CCL25: variants seen among roughly 807,000 people sequenced by gnomAD.
CCL25 encodes the protein C-C motif chemokine 25.
A neutral mutation model predicts 19.9 loss-of-function variants in CCL25; 14 were observed. The ratio of observed to expected loss-of-function variants is 0.70; its 90% CI spans 0.47 to 1.10. CCL25 has a LOEUF of 1.10. CCL25 is among the 50% of genes least tolerant of loss of function. The pLI, the probability that CCL25 is intolerant of heterozygous loss-of-function variation, is 0.00. For synonymous variants in CCL25, 68 were observed against 73.2 expected, an observed-to-expected ratio of 0.93 and a Z score of 0.36; for missense variants, 151 against 181.2, an observed-to-expected ratio of 0.83 and a Z score of 0.96.
chr19:8,059,464 G>C (rs550330449), intron 5 of CCL25, among the ~76,000 whole-genome samples: 1 of 151,800 alleles, frequency 6.6e-6, no homozygotes, highest in Non-Finnish European at 1.5e-5. Flanking sequence ...CCCCCAAAGT[G>C]CTGGGATTGC....
Position 8,056,515 on chromosome 19 carries a change from G to A in CCL25, c.325+16G>A. ...ACCTTCCAAGGTGGGCAAGACCTCTGCTGGGCATCTAGGGGGCCTGCCCTC... is the reference window on the plus strand; with the variant it reads ...ACCTTCCAAGGTGGGCAAGACCTCTACTGGGCATCTAGGGGGCCTGCCCTC... On this transcript the variant is annotated intron_variant, in intron 4 of 5. Transcript: ENST00000315626. 9 of 1,613,796 alleles carry A rather than the reference G, an allele frequency of 5.6e-6. No homozygotes were observed. The highest frequency in any genetic ancestry group is 7.6e-6 in the Non-Finnish European group (9 of 1,179,888).
intron 4 of CCL25, among the ~76,000 whole-genome samples, chr19:8,057,149 T>C (rs533599673): frequency 8.3e-4 from 126 of 151,862 alleles, no homozygotes; most frequent in Non-Finnish European, 1.3e-3. Flanking sequence ...GCCCCCTAAG[T>C]AGCAGGAGCA....
At chr19:8,054,552 A>C (rs919689020) in intron 2 of CCL25, among the ~76,000 whole-genome samples, 1 of 152,048 alleles carries the variant, frequency 6.6e-6, no homozygotes, top group African/African-American at 2.4e-5. Flanking sequence ...AGAACTCCAA[A>C]GGCCATTTAG....
In CCL25 at chr19:8,057,912, C is replaced by T. The variant is rs377042132; in HGVS notation, c.437C>T (p.Ala146Val). 2 of 1,612,036 alleles carry T rather than the reference C, an allele frequency of 1.2e-6. No individual in the cohort carries two copies. Among genetic ancestry groups the T allele is most frequent in the African/African-American group, 2.7e-5 (2 of 74,994 alleles). ...AGGAATGTCTCCCTCCTGATATCAG[C>T]TAATTCAGGTAAGGACTCTTGGTCA... ...SKRNVSLLIS[A>V]NSGL Residue 146 changes from alanine to valine, a missense_variant, in exon 5 of 6, where the codon GCT becomes GTT. Coordinates refer to ENST00000315626, the MANE Select transcript of CCL25 (RefSeq NM_005624.4).
At chr19:8,054,091 G>T (rs2081251812) in intron 2 of CCL25, among the ~76,000 whole-genome samples, 1 of 152,222 alleles carries the variant, frequency 6.6e-6, no homozygotes. Context: ...CTGGGCCTGG[G>T]GTGTCCCCAC....
At chr19:8,058,427 G>T in intron 5 of CCL25, among the ~76,000 whole-genome samples, 1 of 57,952 alleles carries the variant, frequency 1.7e-5, no homozygotes, top group East Asian at 3.4e-4. Context: ...TAATATATAA[G>T]TAAATATATA....
At chr19:8,061,280 C>T (rs1414669276) in intron 5 of CCL25, among the ~76,000 whole-genome samples, 6 of 151,670 alleles carry the variant, frequency 4.0e-5, no homozygotes, top group South Asian at 4.2e-4. Flanking sequence ...TGAGCCACCA[C>T]GCCTGGCCTT....
upstream of CCL25, chr19:8,052,660 TGA>T (rs1255804485): frequency 8.9e-4 from 142 of 159,866 alleles, no homozygotes; most frequent in African/African-American, 4.4e-3. Context: ...TTCCAGAGGC[TGA>T]GAGTGCAGGT....
intron 3 of CCL25, 33 bp downstream of exon 3, chr19:8,056,302 G>GGGGGGGGGGGGGGGGCCCC: frequency 1.7e-6 from 1 of 593,380 alleles, no homozygotes; most frequent in Admixed American, 1.9e-5. Flanking sequence ...GGGGGGTGGG[G>GGGGGGGGGGGGGGGGCCCC]TGCACACACA....
chr19:8,053,025 C>T lies in CCL25; in HGVS notation c.-25C>T. On this transcript the variant is annotated 5_prime_UTR_variant, in exon 2 of 6. Transcript: ENST00000315626. ...GTGGCCCCGTTATTCGTCCAGGTGC[C>T]CAGGGAGGAGGACCCGCCTGCAGCA... 1 of 1,535,864 alleles carries T rather than the reference C, an allele frequency of 6.5e-7. No individual in the cohort carries two copies. The highest frequency in any genetic ancestry group is 8.8e-7 in the Non-Finnish European group (1 of 1,136,468).
At chr19:8,058,110 A>T (rs10421186) in intron 5 of CCL25, among the ~76,000 whole-genome samples, 190 bp downstream of exon 5, 4,286 of 151,710 alleles carry the variant, frequency 0.028, 220 homozygotes, top group African/African-American at 0.096. Flanking sequence ...CAGCGCAAAG[A>T]CACCACAGCA....
At chr19:8,057,406 T>C (rs1431497969) in intron 4 of CCL25, among the ~76,000 whole-genome samples, 1 of 152,082 alleles carries the variant, frequency 6.6e-6, no homozygotes, top group East Asian at 1.9e-4. Context: ...CACATCTCAC[T>C]GCAGCCTTGT....
At chr19:8,053,334 T>G (rs1316983445) in intron 2 of CCL25, among the ~76,000 whole-genome samples, 1 of 152,058 alleles carries the variant, frequency 6.6e-6, no homozygotes, top group African/African-American at 2.4e-5. Flanking sequence ...GAGAGCCCCA[T>G]GGAGTCTTTT....
chr19:8,053,199 C>T, intron 2 of CCL25, 77 bp downstream of exon 2: 4 of 892,994 alleles, frequency 4.5e-6, no homozygotes, highest in South Asian at 1.8e-5. Context: ...TCTCTTATCT[C>T]CTCCGGAAGT....
Position 8,055,629 on chromosome 19 carries a change from C to T in CCL25, c.74-523C>T, listed in dbSNP as rs574725933. ...GATTAAAGGCATGAGCCACCGCGCC[C>T]GGCCTAATTTTTATATTTTTTAGTA... is the stretch of plus-strand genomic sequence containing the variant. On this transcript the variant is annotated intron_variant, in intron 2 of 5. Coordinates refer to ENST00000315626, the MANE Select transcript of CCL25 (RefSeq NM_005624.4). Among the ~76,000 whole-genome samples the T allele has an allele frequency of 7.6e-4, 116 of 151,944 alleles. 1 individual carries two copies. The highest frequency in any genetic ancestry group is 1.3e-3 in the Non-Finnish European group (87 of 67,946).
At position 8,056,120 on chromosome 19, in the gene CCL25, G is replaced by A. The variant is rs188709601; in HGVS notation, c.74-32G>A. 1.6e-3 allele frequency: 2,258 copies of A among 1,415,478 alleles called. 5 individuals are homozygous for A. Among genetic ancestry groups the A allele is most frequent in the Admixed American group, 1.8e-3 (83 of 46,114 alleles). The allele number at this position is 1,415,478 out of a possible 1,614,324, so 87.7% of individuals were successfully genotyped here. A position where few individuals can be genotyped will look rare whatever the true frequency, so the allele number is the denominator to read the frequency against. ...GGCCCTGCCAAGTTAACATGCAAGGGTGCGAGTATCTGGGCGGCTGTGTGG... is the reference window on the plus strand; with the variant it reads ...GGCCCTGCCAAGTTAACATGCAAGGATGCGAGTATCTGGGCGGCTGTGTGG... On this transcript the variant is annotated intron_variant, in intron 2 of 5. Transcript: ENST00000315626.
In CCL25 at chr19:8,061,854, CAAAATACAAAAATACTA is replaced by C. The variant is rs1291091366; in HGVS notation, c.446-348_446-332del. ...AATACAAAATTAGCTACTAAAAATA[CAAAATACAAAAATACTA>C]AAAATACAAAAATACAAAAAATACA... is the stretch of plus-strand genomic sequence containing the variant. On this transcript the variant is annotated intron_variant, in intron 5 of 5. Transcript: ENST00000315626. 2.3e-3 allele frequency among the ~76,000 whole-genome samples: 349 copies of C among 151,736 alleles called. 5 individuals carry two copies. Among genetic ancestry groups the C allele is most frequent in the African/African-American group, 8.0e-3 (333 of 41,404 alleles).
chr19:8,055,455 C>A (rs1382567551), intron 2 of CCL25, among the ~76,000 whole-genome samples: 1 of 150,990 alleles, frequency 6.6e-6, no homozygotes, highest in East Asian at 2.0e-4. Flanking sequence ...CCTGCCTCAG[C>A]CTCCCGAGTA....
At chr19:8,055,967 A>G (rs2081268135) in intron 2 of CCL25, among the ~76,000 whole-genome samples, 185 bp from the exon 3 acceptor site, 1 of 152,142 alleles carries the variant, frequency 6.6e-6, no homozygotes, top group Non-Finnish European at 1.5e-5. Flanking sequence ...GGCTGTCCCA[A>G]TATCCAGGGA....
Sources: gnomAD v4.1 joint callset for allele counts (sites outside exome capture counted in the v4.1 genomes callset) on GRCh38, gnomAD v4.1.1 for gene constraint, MANE v1.5 for transcripts, NCBI Gene and HGNC (gene_info 2026-07-23, HGNC 2026-07-21) for gene names.